The following SIPA1L3 variants were observed in gnomAD, a reference collection of about 807,000 sequenced individuals.
SIPA1L3 encodes signal-induced proliferation-associated 1-like protein 3.
SIPA1L3 carries 59 observed loss-of-function variants against 150.1 expected under a neutral mutation model. The ratio of observed to expected loss-of-function variants is 0.39; its 90% CI spans 0.32 to 0.49. The LOEUF (loss-of-function observed/expected upper bound fraction) is 0.49. Ranked by LOEUF, SIPA1L3 falls within the 20% of genes least tolerant of loss-of-function variation. The pLI is 0.86. For synonymous variants in SIPA1L3, 1,070 were observed against 1,077.6 expected, an observed-to-expected ratio of 0.99 and a Z score of 0.14; for missense variants, 2,211 against 2,489.5, an observed-to-expected ratio of 0.89 and a Z score of 2.38.
At chr19:38,193,459 A>G (rs1364677353) in intron 17 of SIPA1L3, 78 bp from the exon 18 acceptor site, 3 of 1,385,094 alleles carry the variant, frequency 2.2e-6, no homozygotes, top group Non-Finnish European at 2.8e-6. Context: ...CCAATGTCCT[A>G]GAGGGGAAGA....
intron 1 of SIPA1L3, among the ~76,000 whole-genome samples, chr19:37,913,596 A>C (rs1038780336): frequency 6.6e-6 from 1 of 151,716 alleles, no homozygotes; most frequent in African/African-American, 2.4e-5. Flanking sequence ...GGGTTTTGCC[A>C]TGTTAGCCAG....
At chr19:37,999,250 AC>A (rs1450012590) in intron 1 of SIPA1L3, among the ~76,000 whole-genome samples, 2 of 151,426 alleles carry the variant, frequency 1.3e-5, no homozygotes, top group African/African-American at 4.9e-5. Context: ...AGGAGACCAA[AC>A]CCCCCAGTGA....
chr19:37,920,047 C>A (rs958140498), intron 1 of SIPA1L3, among the ~76,000 whole-genome samples: 1 of 148,610 alleles, frequency 6.7e-6, no homozygotes, highest in African/African-American at 2.5e-5. Context: ...GCCAGTGCTT[C>A]TTGGTTTGTA....
At chr19:38,201,299 C>T (rs933224957) in intron 19 of SIPA1L3, among the ~76,000 whole-genome samples, 10 of 152,358 alleles carry the variant, frequency 6.6e-5, no homozygotes, top group South Asian at 2.1e-4. Context: ...GTGCCAGTCA[C>T]GTGTCCAAGG....
At position 38,133,403 on chromosome 19, in the gene SIPA1L3, C is replaced by T. The variant is rs1344896977; in HGVS notation, c.3143+2631C>T. On this transcript the variant is annotated intron_variant, in intron 10 of 21. Transcript: ENST00000222345. ...CTAAAAAGAGCTTTCTTTCAGTAAC[C>T]GTTTAGTTACCCTGAGGTATAATTT... Among the ~76,000 whole-genome samples, 6 of 152,196 alleles carry T rather than the reference C, an allele frequency of 3.9e-5. No homozygotes were observed. The East Asian group carries it at 5.8e-4, about 15-fold the overall frequency.
intron 9 of SIPA1L3, among the ~76,000 whole-genome samples, chr19:38,128,963 G>A (rs770812977): frequency 6.6e-6 from 1 of 152,142 alleles, no homozygotes; most frequent in Non-Finnish European, 1.5e-5. Flanking sequence ...CATCCTGATA[G>A]GTATGTTACA....
chr19:38,061,927 CT>C (rs1200055156), intron 2 of SIPA1L3, among the ~76,000 whole-genome samples: 6 of 151,204 alleles, frequency 4.0e-5, no homozygotes, highest in African/African-American at 1.2e-4. Context: ...AAGATTCACC[CT>C]GTTGATGGCC....
At chr19:38,022,601 G>C (rs972892078) in intron 1 of SIPA1L3, among the ~76,000 whole-genome samples, 5 of 151,902 alleles carry the variant, frequency 3.3e-5, no homozygotes, top group Non-Finnish European at 7.4e-5. Flanking sequence ...CCAGCTACTC[G>C]GGAGGCTGAG....
intron 15 of SIPA1L3, among the ~76,000 whole-genome samples, chr19:38,172,539 C>T (rs888649710): frequency 2.0e-5 from 3 of 152,026 alleles, no homozygotes; most frequent in African/African-American, 7.2e-5. Flanking sequence ...GGAGGTGATG[C>T]GTTGTAGGAA....
rs570752740 is a variant in SIPA1L3 at position 38,130,494 on chromosome 19, G to A, written c.2869-4G>A. On this transcript the variant is annotated splice_region_variant and splice_polypyrimidine_tract_variant and intron_variant, in intron 9 of 21. Coordinates refer to ENST00000222345, the MANE Select transcript of SIPA1L3 (RefSeq NM_015073.3). Reference sequence around the variant, plus strand: ...TGAGGCTCGATCCTGCCTGTGGCCTGCAGGTGATGACCAGTGGCTGGGAGA... The same window carrying A: ...TGAGGCTCGATCCTGCCTGTGGCCTACAGGTGATGACCAGTGGCTGGGAGA... 61 of 1,607,702 alleles carry A rather than the reference G, an allele frequency of 3.8e-5. No individual in the cohort carries two copies. The South Asian group carries it at 6.4e-4, about 17-fold the overall frequency.
intron 16 of SIPA1L3, among the ~76,000 whole-genome samples, chr19:38,188,179 T>TGTG (rs765752216): frequency 5.6e-4 from 85 of 151,296 alleles, no homozygotes; most frequent in East Asian, 5.8e-4. Flanking sequence ...GTTTTGTTGT[T>TGTG]GTGGTGGTGG....
Position 38,082,151 on chromosome 19 carries a change from C to G in SIPA1L3, c.586C>G (p.Leu196Val). The G allele has an allele frequency of 1.2e-6, 2 of 1,605,944 alleles. No homozygotes were observed. Among genetic ancestry groups the G allele is most frequent in the South Asian group, 1.1e-5 (1 of 91,050 alleles). The change falls in exon 3 of 22, where the codon CTG becomes GTG. Residue 196 changes from leucine to valine, a missense_variant. Around this residue, in one of 5 missense-constraint regions of SIPA1L3, gnomAD observed 587 missense variants for 534.5 expected, o/e 1.10. Coordinates refer to ENST00000222345, the MANE Select transcript of SIPA1L3 (RefSeq NM_015073.3). The stretch of plus-strand genomic sequence containing the variant: ...GCGGGGGGCCCGGCACACGGGGGCG[C>G]TGCCCCTCTTCCGCGAGTACGGGAG... ...EPRGARHTGA[L>V]PLFREYGSTS...
Position 38,176,162 on chromosome 19 carries a change from G to A in SIPA1L3, c.4209-6357G>A, listed in dbSNP as rs1013405363. Among the ~76,000 whole-genome samples the A allele has an allele frequency of 4.0e-5, 6 of 150,634 alleles. No individual in the cohort carries two copies. The East Asian group carries it at 7.9e-4, about 20-fold the overall frequency. The stretch of plus-strand genomic sequence containing the variant: ...GTAGCTGGGATTACAGGTGCACACC[G>A]TCACACTTGGCTAATTTTTTTTTTT... On this transcript the variant is annotated intron_variant, in intron 15 of 21. Transcript: ENST00000222345.
At chr19:38,193,001 T>C (rs1008552606) in intron 17 of SIPA1L3, among the ~76,000 whole-genome samples, 1 of 151,576 alleles carries the variant, frequency 6.6e-6, no homozygotes, top group Admixed American at 6.6e-5. Flanking sequence ...GAGGGTGGGG[T>C]TGGGGAGTGG....
intron 2 of SIPA1L3, among the ~76,000 whole-genome samples, chr19:38,063,021 G>A (rs765344882): frequency 6.6e-6 from 1 of 152,112 alleles, no homozygotes; most frequent in Non-Finnish European, 1.5e-5. Context: ...TTCTCTTTGT[G>A]GCCCTCTCTG....
intron 1 of SIPA1L3, among the ~76,000 whole-genome samples, chr19:37,933,965 C>G (rs79188978): frequency 0.022 from 3,284 of 152,230 alleles, 126 homozygotes; most frequent in African/African-American, 0.074. Context: ...CAGGGGGAGG[C>G]CAGGGAGTGC....
chr19:38,154,763 A>T (rs868150214), intron 13 of SIPA1L3, among the ~76,000 whole-genome samples: 62 of 129,720 alleles, frequency 4.8e-4, no homozygotes, highest in Admixed American at 1.7e-3. Context: ...TTTATTATTC[A>T]TTTTTTTTTT....
At chr19:38,174,511 C>T (rs374126399) in intron 15 of SIPA1L3, among the ~76,000 whole-genome samples, 26 of 152,188 alleles carry the variant, frequency 1.7e-4, no homozygotes, top group East Asian at 1.2e-3. Context: ...CTCTCAGGCC[C>T]CTTAGGTGCT....
chr19:38,183,338 A>C (rs748947041), intron 16 of SIPA1L3, among the ~76,000 whole-genome samples: 1 of 148,762 alleles, frequency 6.7e-6, no homozygotes. Flanking sequence ...GTCCAGGCGC[A>C]GACGAAGGGG....
Sources: allele counts gnomAD v4.1 joint callset (sites outside exome capture counted in the v4.1 genomes callset), GRCh38; gene constraint gnomAD v4.1.1; regional missense constraint gnomAD v4.1.1; transcripts MANE v1.5; gene names NCBI Gene and HGNC (gene_info 2026-07-23, HGNC 2026-07-21).